Variants in TMCO5A observed in about 807,000 individuals in gnomAD.
TMCO5A encodes the protein transmembrane and coiled-coil domain-containing protein 5A.
A neutral mutation model predicts 42.3 loss-of-function variants in TMCO5A; 34 were observed. The observed-to-expected ratio is 0.80, with a 90% CI of 0.61 to 1.07. TMCO5A has a LOEUF of 1.07. Among genes scored for constraint, TMCO5A ranks in the 50% least tolerant of loss-of-function variants. TMCO5A has a pLI of 0.00. For missense variants in TMCO5A, 357 were observed against 327.9 expected (o/e 1.09, Z -0.69); for synonymous variants, 131 against 115.6 (o/e 1.13, Z -0.86).
the TMCO5A span, among the ~76,000 whole-genome samples, chr15:37,986,368 G>T: frequency 6.8e-6 from 1 of 147,352 alleles, no homozygotes; most frequent in East Asian, 2.0e-4. Context: ...AGAGCCAAGG[G>T]GGGTAAGGGA....
chr15:37,939,970 G>A (rs1889674620), intron 6 of TMCO5A, among the ~76,000 whole-genome samples: 1 of 151,938 alleles, frequency 6.6e-6, no homozygotes, highest in Non-Finnish European at 1.5e-5. Context: ...AAGGAAGAAT[G>A]GTCATGTCTG....
chr15:37,992,947 A>C, the TMCO5A span, among the ~76,000 whole-genome samples: 1 of 152,180 alleles, frequency 6.6e-6, no homozygotes, highest in African/African-American at 2.4e-5. Flanking sequence ...ACAAACCCCA[A>C]TGACATGAAT....
chr15:37,991,161 A>T, the TMCO5A span, among the ~76,000 whole-genome samples: 1 of 152,136 alleles, frequency 6.6e-6, no homozygotes, highest in African/African-American at 2.4e-5. Flanking sequence ...AGCTTTTATA[A>T]TTGCCCAGAT....
chr15:37,966,502 AC>A, intron 11 of TMCO5A: 1 of 690,476 alleles, frequency 1.4e-6, no homozygotes, highest in Non-Finnish European at 2.6e-6. Flanking sequence ...AAATATACAC[AC>A]CTACTATGTA....
At chr15:37,984,961 T>C in the TMCO5A span, 1 of 151,818 alleles carries the variant, frequency 6.6e-6, no homozygotes, top group East Asian at 1.9e-4. Flanking sequence ...GAACTTTAGG[T>C]CAATGCTGGA....
intron 11 of TMCO5A, among the ~76,000 whole-genome samples, chr15:37,961,075 T>C (rs923468042): frequency 4.6e-5 from 7 of 152,268 alleles, no homozygotes; most frequent in Admixed American, 1.3e-4. Context: ...TTTGTTTTTA[T>C]TGCATTTGCT....
At chr15:37,938,007 C>T (rs1463031510) in intron 5 of TMCO5A, 151 bp from the exon 6 acceptor site, 9 of 671,502 alleles carry the variant, frequency 1.3e-5, no homozygotes, top group Non-Finnish European at 2.0e-5. Context: ...AGAGGTAGAA[C>T]AAAGATGTTT....
At chr15:37,966,750 A>G in exon 12 of TMCO5A, 1 of 701,664 alleles carries the variant, frequency 1.4e-6, no homozygotes, top group Admixed American at 2.0e-5. Context: ...AGAAAAGGTC[A>G]TAAACTGGCC....
chr15:37,974,576 G>C, the TMCO5A span, among the ~76,000 whole-genome samples: 17 of 152,138 alleles, frequency 1.1e-4, no homozygotes, highest in Non-Finnish European at 2.2e-4. Flanking sequence ...AGCGTTGTTT[G>C]TATTTCTGTG....
chr15:38,030,032 A>G, the TMCO5A span, among the ~76,000 whole-genome samples: 1 of 152,178 alleles, frequency 6.6e-6, no homozygotes, highest in Non-Finnish European at 1.5e-5. Flanking sequence ...GGTAGAAAAA[A>G]TATTCATAAG....
chr15:37,988,668 G>T, the TMCO5A span, among the ~76,000 whole-genome samples: 1 of 151,904 alleles, frequency 6.6e-6, no homozygotes, highest in East Asian at 1.9e-4. Flanking sequence ...TTCACATGTT[G>T]GACCATCCTT....
the TMCO5A span, among the ~76,000 whole-genome samples, chr15:37,992,809 A>T: frequency 6.6e-6 from 1 of 152,172 alleles, no homozygotes; most frequent in East Asian, 1.9e-4. Context: ...GAACACATGG[A>T]CACACAAAAG....
In TMCO5A at chr15:37,943,378, C is replaced by G. The variant is rs1324157645; in HGVS notation, c.607C>G (p.His203Asp). The G allele has an allele frequency of 2.5e-6, 4 of 1,612,294 alleles. No homozygotes were observed. The highest frequency in any genetic ancestry group is 3.3e-5 in the Admixed American group (2 of 59,812). Residue 203 changes from histidine (H) to aspartate (D), a missense_variant, in exon 10 of 12, where the codon CAT becomes GAT. By Grantham distance (81) the His-to-Asp change is moderately conservative. Coordinates refer to ENST00000319669, the MANE Select transcript of TMCO5A (RefSeq NM_152453.4). The part of the protein sequence containing the change: ...LVSMNPVEKE[H>D]TSQNNEGTPT... ...GAGCATGAACCCTGTGGAAAAAGAG[C>G]ATACCAGCCAAAATAATGAGGTAAA...
rs376092408 is a variant in TMCO5A at position 37,943,332 on chromosome 15, T to C, written c.570-9T>C. 50 of 1,611,768 alleles carry C rather than the reference T, an allele frequency of 3.1e-5. No individual in the cohort carries two copies. The highest frequency in any genetic ancestry group is 3.1e-5 in the Non-Finnish European group (37 of 1,178,938). ...TGTTCAATTTCTGTCCTGGCTGTTA[T>C]CTTCATAGATCAAAACTCGTGAGCA... is the stretch of plus-strand genomic sequence containing the variant. On this transcript the variant is annotated splice_polypyrimidine_tract_variant and intron_variant, in intron 9 of 11. Coordinates refer to ENST00000319669, the MANE Select transcript of TMCO5A (RefSeq NM_152453.4).
In TMCO5A at chr15:37,947,777, C is replaced by A. The variant is rs1379138815; in HGVS notation, c.668+81C>A. On this transcript the variant is annotated intron_variant, in intron 11 of 11. Coordinates refer to ENST00000319669, the MANE Select transcript of TMCO5A (RefSeq NM_152453.4). ...ATTCGGGCAGAGGGAAAAGTCTAGA[C>A]AAGGAGAGCCTTGTATATGCGTGTG... The A allele has an allele frequency of 8.7e-6, 8 of 918,932 alleles. No individual in the cohort carries two copies. The East Asian group carries it at 1.5e-4, about 17-fold the overall frequency. The allele number at this position is 918,932 out of a possible 1,614,324, so 56.9% of individuals were successfully genotyped here.
At chr15:37,949,113 A>C (rs1272226557) in intron 11 of TMCO5A, among the ~76,000 whole-genome samples, 4 of 152,056 alleles carry the variant, frequency 2.6e-5, no homozygotes, top group Non-Finnish European at 5.9e-5. Flanking sequence ...TTCATATTAA[A>C]GCCATAAGGC....
downstream of TMCO5A, among the ~76,000 whole-genome samples, chr15:37,968,877 G>A (rs1033056440): frequency 2.0e-5 from 3 of 152,020 alleles, no homozygotes; most frequent in South Asian, 2.1e-4. Context: ...CACCGCACCC[G>A]GCCTACTTCT....
At chr15:37,936,253 C>T (rs1244500583) in intron 2 of TMCO5A, 61 bp from the exon 3 acceptor site, 4 of 1,542,894 alleles carry the variant, frequency 2.6e-6, no homozygotes, top group Non-Finnish European at 2.6e-6. Flanking sequence ...CCCTTTTTGG[C>T]CTGATGATTA....
At chr15:37,983,028 A>C in the TMCO5A span, among the ~76,000 whole-genome samples, 3 of 152,038 alleles carry the variant, frequency 2.0e-5, no homozygotes, top group South Asian at 6.2e-4. Flanking sequence ...AGAACCATTC[A>C]GCTCTCTCTC....
Sources: gnomAD v4.1 joint callset for allele counts (sites outside exome capture counted in the v4.1 genomes callset) on GRCh38, gnomAD v4.1.1 for gene constraint, MANE v1.5 for transcripts, NCBI Gene and HGNC (gene_info 2026-07-23, HGNC 2026-07-21) for gene names.